The following AIM2 variants were observed in gnomAD, a reference collection of about 807,000 sequenced individuals.
AIM2 encodes absent in melanoma 2, also known as interferon-inducible protein AIM2.
AIM2 carries 30 observed loss-of-function variants against 27.7 expected under a neutral mutation model. The observed-to-expected ratio is 1.08, with a 90% CI of 0.81 to 1.47. The LOEUF (loss-of-function observed/expected upper bound fraction) is 1.47, where lower values mean the gene tolerates loss of function less well. Among genes scored for constraint, AIM2 ranks in the 40% most tolerant of loss-of-function variants. The pLI is 0.00. For synonymous variants in AIM2, 141 were observed against 145.3 expected, an observed-to-expected ratio of 0.97 and a Z score of 0.21; for missense variants, 358 against 411.3, an observed-to-expected ratio of 0.87 and a Z score of 1.12.
At chr1:159,075,634 A>AGAGC (rs1557896590) in intron 1 of AIM2, among the ~76,000 whole-genome samples, 3 of 150,756 alleles carry the variant, frequency 2.0e-5, no homozygotes, top group African/African-American at 7.3e-5. Context: ...AGAGAGAGAG[A>AGAGC]GCTAATAGAG....
chr1:159,109,563 A>G (rs1484271768), intron 1 of AIM2, among the ~76,000 whole-genome samples: 1 of 152,230 alleles, frequency 6.6e-6, no homozygotes, highest in East Asian at 1.9e-4. Flanking sequence ...AATAGGTGGG[A>G]TTTAATTAAA....
chr1:159,137,045 G>A (rs1648023183), intron 1 of AIM2, among the ~76,000 whole-genome samples: 1 of 152,110 alleles, frequency 6.6e-6, no homozygotes, highest in Admixed American at 6.5e-5. Flanking sequence ...ATCTCTGTCT[G>A]TTCTCTACCA....
rs954614265 is a variant in AIM2 at position 159,063,568 on chromosome 1, T to C, written c.923A>G (p.Asp308Gly). ...TGTGAAGAATGTAAGTCGAACCTTA[T>C]CTCCTTCCTTACATTTCATTGTGTC... ...NEDTMKCKEGDKVRLTFFTLS... is the reference protein window; with the variant it reads ...NEDTMKCKEGGKVRLTFFTLS... The change falls in exon 5 of 6, where the codon GAT (aspartate) becomes GGT (glycine). Residue 308 changes from aspartate to glycine, a missense_variant. Physicochemically the swap from Asp to Gly is moderately conservative, Grantham distance 94. Transcript: ENST00000368130. The C allele has an allele frequency of 1.2e-6, 2 of 1,614,218 alleles. No individual in the cohort carries two copies. The highest frequency in any genetic ancestry group is 1.3e-5 in the African/African-American group (1 of 75,060).
chr1:159,085,281 G>A (rs1338353524), intron 1 of AIM2, among the ~76,000 whole-genome samples: 1 of 152,180 alleles, frequency 6.6e-6, no homozygotes, highest in Non-Finnish European at 1.5e-5. Flanking sequence ...TGTCTTCTGA[G>A]TTGGGGACGT....
At chr1:159,075,711 T>A (rs1405049851) in intron 1 of AIM2, among the ~76,000 whole-genome samples, 1 of 152,132 alleles carries the variant, frequency 6.6e-6, no homozygotes, top group African/African-American at 2.4e-5. Context: ...TTGAAAAGTG[T>A]GCAAAAGATG....
chr1:159,061,558 ATTTTTTT>A (rs945588968), downstream of AIM2, among the ~76,000 whole-genome samples: 3 of 83,108 alleles, frequency 3.6e-5, no homozygotes, highest in African/African-American at 1.6e-4. Context: ...GTGCCCGGCT[ATTTTTTT>A]TTTTTTTTTT....
intron 1 of AIM2, among the ~76,000 whole-genome samples, chr1:159,091,399 C>T (rs1009039490): frequency 1.3e-5 from 2 of 152,210 alleles, no homozygotes; most frequent in African/African-American, 4.8e-5. Flanking sequence ...TTGGCAGGTT[C>T]TGCCTTTCCC....
chr1:159,083,231 A>C (rs1656823587), intron 1 of AIM2, among the ~76,000 whole-genome samples: 1 of 152,210 alleles, frequency 6.6e-6, no homozygotes, highest in Non-Finnish European at 1.5e-5. Flanking sequence ...ATATTGGGAA[A>C]GTGGAAAGAG....
chr1:159,104,971 C>T (rs182990105), intron 1 of AIM2, among the ~76,000 whole-genome samples: 4 of 152,306 alleles, frequency 2.6e-5, no homozygotes, highest in Non-Finnish European at 5.9e-5. Flanking sequence ...CAGCCGGAAA[C>T]CCCTGTGTCC....
chr1:159,137,725 T>A (rs76532106), intron 1 of AIM2, among the ~76,000 whole-genome samples: 11,876 of 152,260 alleles, frequency 0.078, 672 homozygotes, highest in South Asian at 0.31. Context: ...TTTTTATATG[T>A]TAGAGAGTTT....
intron 1 of AIM2, among the ~76,000 whole-genome samples, chr1:159,110,096 G>C (rs1442490564): frequency 1.3e-5 from 2 of 152,138 alleles, no homozygotes; most frequent in African/African-American, 4.8e-5. Flanking sequence ...ACATTAAAAA[G>C]ATACTTGCAC....
chr1:159,102,668 G>A (rs1277463226), intron 1 of AIM2, among the ~76,000 whole-genome samples: 1 of 152,234 alleles, frequency 6.6e-6, no homozygotes, highest in Non-Finnish European at 1.5e-5. Flanking sequence ...GGAGTCAAAG[G>A]AGATCATTTT....
intron 1 of AIM2, among the ~76,000 whole-genome samples, chr1:159,086,194 A>G (rs1656908104): frequency 6.6e-6 from 1 of 152,196 alleles, no homozygotes; most frequent in Non-Finnish European, 1.5e-5. Flanking sequence ...TGCTCTACTT[A>G]TATTTGATAT....
intron 1 of AIM2, among the ~76,000 whole-genome samples, chr1:159,083,592 C>T (rs1299794306): frequency 6.6e-6 from 1 of 152,142 alleles, no homozygotes; most frequent in Non-Finnish European, 1.5e-5. Context: ...GATTTATATT[C>T]TATACCATTT....
Position 159,073,309 on chromosome 1 carries a change from T to C in AIM2, c.191A>G (p.Lys64Arg). The C allele has an allele frequency of 6.2e-7, 1 of 1,614,210 alleles. No homozygotes were observed. The highest frequency in any genetic ancestry group is 8.5e-7 in the Non-Finnish European group (1 of 1,180,038). Residue 64 changes from lysine (K) to arginine (R), a missense_variant, in exon 2 of 6, where the codon AAG becomes AGG. Physicochemically the swap from Lys to Arg is conservative, Grantham distance 26. Coordinates refer to ENST00000368130, the MANE Select transcript of AIM2 (RefSeq NM_004833.3). Reference protein sequence around the residue: ...QNAGAVSAVMKTIRIFQKLNY... With the variant: ...QNAGAVSAVMRTIRIFQKLNY... ...CAACTTCTGAAAAATACGAATGGTC[T>C]TCATCACTGCAGACACCGCCCCAGC...
intron 1 of AIM2, among the ~76,000 whole-genome samples, chr1:159,137,355 T>G (rs1213341627): frequency 3.9e-5 from 6 of 152,130 alleles, no homozygotes; most frequent in African/African-American, 1.4e-4. Context: ...CTGAATGACC[T>G]ATTAAAACCT....
chr1:159,093,102 GA>G (rs1328555350), intron 1 of AIM2, among the ~76,000 whole-genome samples: 4 of 151,970 alleles, frequency 2.6e-5, no homozygotes, highest in African/African-American at 9.7e-5. Flanking sequence ...TCCAGAGGCT[GA>G]AATCTTAACC....
At chr1:159,135,466 TAA>T in intron 1 of AIM2, among the ~76,000 whole-genome samples, 1 of 152,310 alleles carries the variant, frequency 6.6e-6, no homozygotes, top group East Asian at 1.9e-4. Context: ...GAATGTAGCA[TAA>T]AGTCTACGAC....
At chr1:159,138,937 T>A (rs1345297613) in intron 1 of AIM2, among the ~76,000 whole-genome samples, 1 of 152,256 alleles carries the variant, frequency 6.6e-6, no homozygotes, top group Non-Finnish European at 1.5e-5. Context: ...CTATTTTACA[T>A]TCTGAGTATC....
Sources: allele counts gnomAD v4.1 joint callset (sites outside exome capture counted in the v4.1 genomes callset), GRCh38; gene constraint gnomAD v4.1.1; transcripts MANE v1.5; gene names NCBI Gene and HGNC (gene_info 2026-07-23, HGNC 2026-07-21).